KCNB2: variants seen among roughly 807,000 people sequenced by gnomAD.
KCNB2 encodes potassium voltage-gated channel subfamily B member 2.
KCNB2 carries 15 observed loss-of-function variants against 61.5 expected under a neutral mutation model. The observed-to-expected ratio is 0.24, with a 90% CI of 0.16 to 0.38. KCNB2 has a LOEUF of 0.38. KCNB2 is among the 10% of genes least tolerant of loss of function. The probability of loss-of-function intolerance (pLI) is 1.00; values close to 1 mark genes in which losing one functional copy is unlikely to be tolerated. For missense variants in KCNB2, 828 were observed against 1,125.2 expected, an observed-to-expected ratio of 0.74 and a Z score of 3.78; for synonymous variants, 457 against 446.0, an observed-to-expected ratio of 1.02 and a Z score of -0.31.
chr8:72,704,089 T>A (rs924160972), intron 2 of KCNB2, among the ~76,000 whole-genome samples: 1 of 152,198 alleles, frequency 6.6e-6, no homozygotes, highest in South Asian at 2.1e-4. Flanking sequence ...TCTTGGATAA[T>A]GTCAGTGACC....
intron 1 of KCNB2, among the ~76,000 whole-genome samples, chr8:72,543,882 C>T (rs1406526879): frequency 6.6e-6 from 1 of 152,176 alleles, no homozygotes; most frequent in African/African-American, 2.4e-5. Flanking sequence ...TCCAATTCTA[C>T]TGTGTGGGTG....
At chr8:72,826,958 T>A (rs1483087170) in intron 2 of KCNB2, among the ~76,000 whole-genome samples, 1 of 152,250 alleles carries the variant, frequency 6.6e-6, no homozygotes, top group Non-Finnish European at 1.5e-5. Context: ...CATATTTGTT[T>A]TAATTTGAAT....
At position 72,708,793 on chromosome 8, in the gene KCNB2, T is replaced by C. The variant is rs990187784; in HGVS notation, c.579+140480T>C. ...CACAATAATGTCTTTTTGCCTCTAT[T>C]TTTTCTTAATAATGGGAGCAATATG... On this transcript the variant is annotated intron_variant, in intron 2 of 2. Transcript: ENST00000523207. Among the ~76,000 whole-genome samples, 9 of 152,314 alleles carry C rather than the reference T, an allele frequency of 5.9e-5. No individual in the cohort carries two copies. In the East Asian group the frequency reaches 1.7e-3, roughly 29 times the overall value.
chr8:72,647,748 A>G (rs1404386044), intron 2 of KCNB2, among the ~76,000 whole-genome samples: 1 of 152,160 alleles, frequency 6.6e-6, no homozygotes, highest in Non-Finnish European at 1.5e-5. Flanking sequence ...AGTGTTGGTC[A>G]GTGTACATAC....
chr8:72,711,695 G>A (rs923453911), intron 2 of KCNB2, among the ~76,000 whole-genome samples: 12 of 152,188 alleles, frequency 7.9e-5, no homozygotes, highest in Non-Finnish European at 1.5e-4. Flanking sequence ...CATTTAAAAA[G>A]TTAATTAACT....
At chr8:72,808,977 A>G (rs980946321) in intron 2 of KCNB2, among the ~76,000 whole-genome samples, 1 of 152,160 alleles carries the variant, frequency 6.6e-6, no homozygotes. Context: ...TTTGCACCCT[A>G]GACCATAAGA....
chr8:72,713,729 C>A (rs1037786462), intron 2 of KCNB2, among the ~76,000 whole-genome samples: 3 of 152,226 alleles, frequency 2.0e-5, no homozygotes, highest in Middle Eastern at 3.4e-3. Context: ...GCAGAAAAAC[C>A]AGAAACTCTA....
chr8:72,891,509 T>C (rs964322148), intron 2 of KCNB2, among the ~76,000 whole-genome samples: 12 of 152,186 alleles, frequency 7.9e-5, no homozygotes, highest in Non-Finnish European at 1.8e-4. Context: ...ACCATTCAGC[T>C]TAAATTACAA....
intron 2 of KCNB2, among the ~76,000 whole-genome samples, chr8:72,792,139 G>A (rs1808955608): frequency 6.6e-6 from 1 of 152,182 alleles, no homozygotes; most frequent in Non-Finnish European, 1.5e-5. Flanking sequence ...CACAGAGCTG[G>A]CAATAGCAGA....
At chr8:72,840,233 C>T (rs1308990822) in intron 2 of KCNB2, among the ~76,000 whole-genome samples, 1 of 152,204 alleles carries the variant, frequency 6.6e-6, no homozygotes, top group East Asian at 1.9e-4. Flanking sequence ...CTGCAAAGGA[C>T]ATGAACTCAT....
chr8:72,703,588 G>A (rs1159990025), intron 2 of KCNB2, among the ~76,000 whole-genome samples: 1 of 152,122 alleles, frequency 6.6e-6, no homozygotes, highest in Non-Finnish European at 1.5e-5. Context: ...TCCCAGAGAG[G>A]GTCTCAGCTG....
intron 2 of KCNB2, among the ~76,000 whole-genome samples, chr8:72,746,401 C>A (rs1340241415): frequency 1.3e-5 from 2 of 152,102 alleles, no homozygotes; most frequent in Non-Finnish European, 2.9e-5. Flanking sequence ...ACCTCAATGT[C>A]CTTAACATTT....
chr8:72,711,334 A>G lies in KCNB2; in HGVS notation c.579+143021A>G, dbSNP rs540792535. 2.0e-5 allele frequency among the ~76,000 whole-genome samples: 3 copies of G among 152,308 alleles called. No homozygotes were observed. The East Asian group carries it at 5.8e-4, about 29-fold the overall frequency. On this transcript the variant is annotated intron_variant, in intron 2 of 2. Coordinates refer to ENST00000523207, the MANE Select transcript of KCNB2 (RefSeq NM_004770.3). ...CTCCCAAGAGCCAGAAGTATCTGTG[A>G]GCAGCACTCGTGACTCCCATGCCAT...
In KCNB2 at chr8:72,868,633, A is replaced by G. The variant is rs551416097; in HGVS notation, c.580-67302A>G. Among the ~76,000 whole-genome samples, 4 of 152,112 alleles carry G rather than the reference A, an allele frequency of 2.6e-5. No homozygotes were observed. The South Asian group carries it at 8.3e-4, about 32-fold the overall frequency. The stretch of plus-strand genomic sequence containing the variant: ...CAAACCAAAAAAAACCCAAAAAAGG[A>G]CCCCATTATTAAAAGCAACTCCAAA... On this transcript the variant is annotated intron_variant, in intron 2 of 2. Transcript: ENST00000523207.
intron 2 of KCNB2, among the ~76,000 whole-genome samples, chr8:72,688,917 A>G (rs1806898274): frequency 6.6e-6 from 1 of 151,994 alleles, no homozygotes; most frequent in Non-Finnish European, 1.5e-5. Context: ...TTTTGTAGAG[A>G]CGGGTTTCAC....
chr8:72,846,577 A>AGCC (rs1809998387), intron 2 of KCNB2, among the ~76,000 whole-genome samples: 1 of 151,250 alleles, frequency 6.6e-6, no homozygotes. Context: ...GAAAAAAAAA[A>AGCC]CCATCAAAAA....
intron 1 of KCNB2, among the ~76,000 whole-genome samples, chr8:72,541,685 TAAG>T (rs1248799124): frequency 2.6e-5 from 4 of 152,112 alleles, no homozygotes; most frequent in Non-Finnish European, 5.9e-5. Context: ...GAATTTGAAA[TAAG>T]AAGGTAGTTT....
chr8:72,548,909 T>C (rs911800370), intron 1 of KCNB2, among the ~76,000 whole-genome samples: 4 of 152,172 alleles, frequency 2.6e-5, no homozygotes, highest in Admixed American at 6.5e-5. Flanking sequence ...ACTTCATTAA[T>C]GAGATATTTA....
At chr8:72,852,978 G>A (rs1010811209) in intron 2 of KCNB2, among the ~76,000 whole-genome samples, 2 of 152,084 alleles carry the variant, frequency 1.3e-5, no homozygotes, top group African/African-American at 4.8e-5. Context: ...TGTGGCAATA[G>A]CCTCTTTTTC....
Sources: gnomAD v4.1 joint callset for allele counts (sites outside exome capture counted in the v4.1 genomes callset) on GRCh38, gnomAD v4.1.1 for gene constraint, MANE v1.5 for transcripts, NCBI Gene and HGNC (gene_info 2026-07-23, HGNC 2026-07-21) for gene names.